Variants in P3H2 observed in about 807,000 individuals in gnomAD.
The protein encoded by P3H2 is leprecan-like 1.
A neutral mutation model predicts 87.0 loss-of-function variants in P3H2; 80 were observed. That is an observed-to-expected ratio of 0.92 (90% CI 0.77 to 1.11). The LOEUF is 1.11. P3H2 is among the 50% of genes least tolerant of loss of function. The probability of loss-of-function intolerance (pLI) is 0.00; values close to 1 mark genes in which losing one functional copy is unlikely to be tolerated. For missense variants in P3H2, 1,001 were observed against 923.9 expected (o/e 1.08, Z -1.08); for synonymous variants, 367 against 359.3 (o/e 1.02, Z -0.24).
intron 1 of P3H2, among the ~76,000 whole-genome samples, chr3:190,066,795 G>T (rs866779118): frequency 6.6e-6 from 1 of 151,980 alleles, no homozygotes; most frequent in South Asian, 2.1e-4. Flanking sequence ...CAGAGCTCTA[G>T]CCCTGTCTAT....
chr3:190,017,032 G>GT (rs1277713387), intron 1 of P3H2, among the ~76,000 whole-genome samples: 1 of 152,202 alleles, frequency 6.6e-6, no homozygotes, highest in Non-Finnish European at 1.5e-5. Flanking sequence ...TTCTATGAAT[G>GT]TTTTTATCAT....
intron 1 of P3H2, among the ~76,000 whole-genome samples, chr3:190,087,477 G>C (rs1311954949): frequency 2.0e-5 from 3 of 147,220 alleles, no homozygotes; most frequent in African/African-American, 5.0e-5. Flanking sequence ...CTGGGAGGCG[G>C]AGCTTGCAGT....
At chr3:190,104,661 G>A (rs992672623) in intron 1 of P3H2, among the ~76,000 whole-genome samples, 13 of 151,852 alleles carry the variant, frequency 8.6e-5, no homozygotes, top group East Asian at 5.8e-4. Context: ...CGATATATTC[G>A]CTCAGAGAAG....
chr3:190,053,960 A>G (rs1403181945), intron 1 of P3H2, among the ~76,000 whole-genome samples: 1 of 152,228 alleles, frequency 6.6e-6, no homozygotes, highest in Non-Finnish European at 1.5e-5. Context: ...AGGTTTTTTT[A>G]TATCAATGTT....
intron 1 of P3H2, among the ~76,000 whole-genome samples, chr3:190,117,199 T>TA (rs1304296188): frequency 1.3e-5 from 2 of 152,308 alleles, no homozygotes; most frequent in African/African-American, 4.8e-5. Context: ...ACCTTTCTAT[T>TA]AAACATTTAG....
intron 1 of P3H2, among the ~76,000 whole-genome samples, chr3:190,032,248 A>T (rs913020646): frequency 9.2e-5 from 14 of 151,732 alleles, no homozygotes; most frequent in African/African-American, 3.1e-4. Context: ...ACAGAGAAAT[A>T]TTTTTTTTTC....
intron 1 of P3H2, among the ~76,000 whole-genome samples, chr3:190,048,333 T>A (rs1666409): frequency 1.3e-5 from 2 of 151,786 alleles, no homozygotes; most frequent in African/African-American, 4.8e-5. Context: ...CCATCTCTAC[T>A]AAAAAATACA....
At chr3:189,972,222 T>C (rs1236276837) in intron 11 of P3H2, among the ~76,000 whole-genome samples, 1 of 152,238 alleles carries the variant, frequency 6.6e-6, no homozygotes, top group Non-Finnish European at 1.5e-5. Flanking sequence ...ATGTCACACC[T>C]GTCTCTTCAG....
chr3:190,073,358 T>C (rs1403414), intron 1 of P3H2, among the ~76,000 whole-genome samples: 65,068 of 152,106 alleles, frequency 0.43, 17,224 homozygotes, highest in African/African-American at 0.76. Context: ...AGAAGTGCTG[T>C]GATCCTTGAG....
In P3H2 at chr3:189,988,924, T is replaced by C. The variant is rs2108920142; in HGVS notation, c.938A>G (p.Gln313Arg). 1.9e-6 allele frequency: 3 copies of C among 1,614,026 alleles called. No individual in the cohort carries two copies. Among genetic ancestry groups the C allele is most frequent in the East Asian group, 2.2e-5 (1 of 44,870 alleles). The change falls in exon 4 of 15, where the codon CAG becomes CGG. Residue 313 changes from glutamine to arginine, a missense_variant. By Grantham distance (43) the Gln-to-Arg change is conservative. Coordinates refer to ENST00000319332, the MANE Select transcript of P3H2 (RefSeq NM_018192.4). ...CGCTTTACCTCGATAGTAGGCAAAC[T>C]GTAGGTAATCATAGTGCAGAGGAAG... ...NFLPLHYDYL[Q>R]FAYYRVGEYV...
intron 1 of P3H2, among the ~76,000 whole-genome samples, chr3:190,000,750 G>A (rs1724186004): frequency 2.0e-5 from 3 of 152,214 alleles, no homozygotes; most frequent in Admixed American, 1.3e-4. Context: ...AGAGATCAAG[G>A]AGGGAGATTT....
At chr3:190,096,127 TACAA>T (rs1727578828) in intron 1 of P3H2, among the ~76,000 whole-genome samples, 1 of 152,168 alleles carries the variant, frequency 6.6e-6, no homozygotes, top group Admixed American at 6.5e-5. Context: ...TTACAAACAA[TACAA>T]ACAAACGCCA....
At chr3:190,077,932 G>A (rs1257331094) in intron 1 of P3H2, among the ~76,000 whole-genome samples, 2 of 152,116 alleles carry the variant, frequency 1.3e-5, no homozygotes, top group Non-Finnish European at 2.9e-5. Flanking sequence ...AACTGATGAG[G>A]CATATAAGAC....
At chr3:190,070,117 C>T (rs930066400) in intron 1 of P3H2, among the ~76,000 whole-genome samples, 1 of 151,990 alleles carries the variant, frequency 6.6e-6, no homozygotes, top group Non-Finnish European at 1.5e-5. Context: ...AAGGATAGTT[C>T]CAAGCATGAA....
At chr3:190,009,268 C>T (rs1724491482) in intron 1 of P3H2, among the ~76,000 whole-genome samples, 1 of 152,098 alleles carries the variant, frequency 6.6e-6, no homozygotes, top group Non-Finnish European at 1.5e-5. Flanking sequence ...TTGGGGAGAA[C>T]ATGAAACTTG....
intron 1 of P3H2, among the ~76,000 whole-genome samples, chr3:190,111,042 C>A (rs1460123132): frequency 6.6e-6 from 1 of 151,914 alleles, no homozygotes. Flanking sequence ...TTTGGATCTC[C>A]CTCTTTCTGG....
intron 1 of P3H2, among the ~76,000 whole-genome samples, chr3:190,114,650 A>G (rs1171543917): frequency 6.6e-6 from 1 of 152,166 alleles, no homozygotes; most frequent in African/African-American, 2.4e-5. Flanking sequence ...TAGATGAACA[A>G]TCTCTCAGGT....
Position 190,019,786 on chromosome 3 carries a change from ATATATAT to A in P3H2, c.481-24351_481-24345del, listed in dbSNP as rs1412473292. On this transcript the variant is annotated intron_variant, in intron 1 of 14. Transcript: ENST00000319332. Reference sequence around the variant, plus strand: ...TGTGACATTACCTAGAAATTAAAAAATATATATATATATATATATATATATATATACT... The same window carrying A: ...TGTGACATTACCTAGAAATTAAAAAAATATATATATATATATATATATACT... Among the ~76,000 whole-genome samples, 23 of 36,708 alleles carry A rather than the reference ATATATAT, an allele frequency of 6.3e-4. 1 individual carries two copies. The highest frequency in any genetic ancestry group is 1.4e-3 in the African/African-American group (21 of 14,648). The allele number at this position is 36,708 out of a possible 152,430, so 24.1% of individuals were successfully genotyped here.
chr3:190,081,984 T>C (rs74713775), intron 1 of P3H2, among the ~76,000 whole-genome samples: 2,818 of 152,238 alleles, frequency 0.019, 88 homozygotes, highest in African/African-American at 0.065. Context: ...CCGGGCACAA[T>C]GGGTCACGCC....
Sources: gnomAD v4.1 joint callset for allele counts (sites outside exome capture counted in the v4.1 genomes callset) on GRCh38, gnomAD v4.1.1 for gene constraint, MANE v1.5 for transcripts, NCBI Gene and HGNC (gene_info 2026-07-23, HGNC 2026-07-21) for gene names.